The following PRH1 variants were observed in gnomAD, a reference collection of about 807,000 sequenced individuals.
The protein encoded by PRH1 is proline rich protein HaeIII subfamily 1, also known as salivary acidic proline-rich phosphoprotein 1/2.
In PRH1, 7 loss-of-function variants were observed where a neutral mutation model predicts 7.9. The ratio of observed to expected loss-of-function variants is 0.89; its 90% CI spans 0.50 to 1.67. The LOEUF is 1.67. Among genes scored for constraint, PRH1 ranks in the 40% most tolerant of loss-of-function variants. The pLI, the probability that PRH1 is intolerant of heterozygous loss-of-function variation, is 0.00. For synonymous variants in PRH1, 45 were observed against 80.8 expected, an observed-to-expected ratio of 0.56 and a Z score of 2.38; for missense variants, 109 against 223.6, an observed-to-expected ratio of 0.49 and a Z score of 3.27.
intron 2 of PRH1, among the ~76,000 whole-genome samples, chr12:10,958,207 C>T (rs532539008): frequency 1.2e-4 from 18 of 152,122 alleles, no homozygotes; most frequent in African/African-American, 4.3e-4. Flanking sequence ...ATGGTACATA[C>T]ACACCATGGA....
intron 1 of PRH1, chr12:10,986,095 G>C: frequency 6.2e-7 from 1 of 1,613,948 alleles, no homozygotes; most frequent in Non-Finnish European, 8.5e-7. Context: ...GGGTCATTCC[G>C]CAGCCTCCTA....
intron 1 of PRH1, among the ~76,000 whole-genome samples, chr12:11,103,024 T>C (rs1236414223): frequency 6.6e-6 from 1 of 152,060 alleles, no homozygotes; most frequent in South Asian, 2.1e-4. Context: ...ATGGCAATCA[T>C]TAAAAAGTCA....
intron 1 of PRH1, among the ~76,000 whole-genome samples, chr12:11,025,875 T>C (rs1941885182): frequency 6.6e-6 from 1 of 152,304 alleles, no homozygotes; most frequent in Non-Finnish European, 1.5e-5. Flanking sequence ...AATAATCTTT[T>C]ATTCTCCTTC....
At chr12:10,950,545 T>G (rs1950554994) in intron 2 of PRH1, among the ~76,000 whole-genome samples, 1 of 151,754 alleles carries the variant, frequency 6.6e-6, no homozygotes, top group African/African-American at 2.4e-5. Context: ...TAAGAATAAA[T>G]TATATATTTA....
At position 11,018,439 on chromosome 12, in the gene PRH1, G is replaced by C. The variant is rs559971773; in HGVS notation, c.-126+28581C>G. Among the ~76,000 whole-genome samples, 513 of 152,308 alleles carry C rather than the reference G, an allele frequency of 3.4e-3. 2 individuals carry two copies. Among genetic ancestry groups the C allele is most frequent in the Non-Finnish European group, 5.8e-3 (395 of 68,032 alleles). On this transcript the variant is annotated intron_variant, in intron 1 of 3. Transcript: ENST00000539853. The stretch of plus-strand genomic sequence containing the variant: ...TGTGCTTCCTCAGATTCCCTTGACT[G>C]TCTCCTGTTCCCATGGTCAGCACCT...
intron 2 of PRH1, among the ~76,000 whole-genome samples, chr12:10,928,288 G>A (rs1341130414): frequency 2.0e-5 from 3 of 152,150 alleles, no homozygotes; most frequent in Admixed American, 6.5e-5. Flanking sequence ...AGGCATTTGA[G>A]GCTTGAACAG....
intron 1 of PRH1, among the ~76,000 whole-genome samples, chr12:11,085,253 T>C (rs938053758): frequency 1.6e-4 from 24 of 151,406 alleles, no homozygotes; most frequent in African/African-American, 5.6e-4. Flanking sequence ...TTGAGAAATA[T>C]GATTTGTTAA....
At chr12:11,037,528 T>C (rs147547508) in intron 1 of PRH1, among the ~76,000 whole-genome samples, 83 of 152,370 alleles carry the variant, frequency 5.4e-4, no homozygotes, top group African/African-American at 1.9e-3. Context: ...AGACACATTT[T>C]TGGATATATT....
At chr12:11,143,959 G>A (rs1946789386) in intron 1 of PRH1, among the ~76,000 whole-genome samples, 1 of 152,194 alleles carries the variant, frequency 6.6e-6, no homozygotes, top group Non-Finnish European at 1.5e-5. Context: ...GGGACTCTCA[G>A]CCTTGGACAC....
chr12:10,962,351 G>A (rs958356468), intron 2 of PRH1, among the ~76,000 whole-genome samples: 4 of 151,996 alleles, frequency 2.6e-5, no homozygotes, highest in East Asian at 1.9e-4. Flanking sequence ...ATTCACAATC[G>A]AGAAAATATA....
chr12:11,082,571 G>A lies in PRH1; in HGVS notation n.124-35383C>T, dbSNP rs1407261868. ...TCGGCCAGCCTTGGCCTCCTAGAGT[G>A]CTGGGATTACAGACATGAGCCACTT... On this transcript the variant is annotated intron_variant and non_coding_transcript_variant, in intron 1 of 4. Transcript: ENST00000541977. Among the ~76,000 whole-genome samples, 2 of 114,580 alleles carry A rather than the reference G, an allele frequency of 1.7e-5. 1 individual carries two copies. Among genetic ancestry groups the A allele is most frequent in the Non-Finnish European group, 4.1e-5 (2 of 48,686 alleles). 75.2% of individuals were successfully genotyped at this position (114,580 alleles called of 152,430 possible). A position where few individuals can be genotyped will look rare whatever the true frequency, so the allele number is the denominator to read the frequency against.
intron 2 of PRH1, among the ~76,000 whole-genome samples, chr12:10,956,892 A>G (rs1937990706): frequency 6.6e-6 from 1 of 152,142 alleles, no homozygotes; most frequent in Non-Finnish European, 1.5e-5. Flanking sequence ...ATTACAAGAG[A>G]CTGTTCAATT....
At chr12:11,044,517 G>C (rs1942837210) in intron 1 of PRH1, among the ~76,000 whole-genome samples, 1 of 151,744 alleles carries the variant, frequency 6.6e-6, no homozygotes, top group Non-Finnish European at 1.5e-5. Context: ...CCACAGAATG[G>C]GAGAAAATAT....
At chr12:11,006,483 T>A (rs927156387) in intron 1 of PRH1, among the ~76,000 whole-genome samples, 1 of 151,108 alleles carries the variant, frequency 6.6e-6, no homozygotes, top group Admixed American at 6.6e-5. Flanking sequence ...CAAGTGATAC[T>A]CTTGCCTTCC....
intron 1 of PRH1, among the ~76,000 whole-genome samples, chr12:11,062,925 G>A (rs1943673698): frequency 6.6e-6 from 1 of 152,032 alleles, no homozygotes; most frequent in South Asian, 2.1e-4. Flanking sequence ...TTATTCACAA[G>A]CTCATAAATA....
intron 1 of PRH1, among the ~76,000 whole-genome samples, chr12:11,057,872 A>G (rs1216617416): frequency 6.6e-6 from 1 of 152,270 alleles, no homozygotes; most frequent in Non-Finnish European, 1.5e-5. Flanking sequence ...GCACTGCTTC[A>G]CTGTTTTATG....
rs375025784 is a variant in PRH1 at position 11,061,597 on chromosome 12, G to A, written n.124-14409C>T. ...GTAAATGGCACATAACAAGAGGAAGGAGGTCACAGTTTGCAAAGCTTTTAT... is the reference window on the plus strand; with the variant it reads ...GTAAATGGCACATAACAAGAGGAAGAAGGTCACAGTTTGCAAAGCTTTTAT... On this transcript the variant is annotated intron_variant and non_coding_transcript_variant, in intron 1 of 4. Transcript: ENST00000541977. 18 of 1,613,960 alleles carry A rather than the reference G, an allele frequency of 1.1e-5. No homozygotes were observed. The African/African-American group carries it at 1.5e-4, about 13-fold the overall frequency.
chr12:10,897,952 T>C (rs2135804218), intron 2 of PRH1, among the ~76,000 whole-genome samples: 1 of 152,326 alleles, frequency 6.6e-6, no homozygotes. Context: ...TTCTGGGTGA[T>C]TTTATTATGC....
At chr12:10,908,572 T>A in intron 2 of PRH1, 1 of 1,613,916 alleles carries the variant, frequency 6.2e-7, no homozygotes, top group Non-Finnish European at 8.5e-7. Context: ...AGAAAGAAAC[T>A]AGCATAGAAT....
Sources: allele counts gnomAD v4.1 joint callset (sites outside exome capture counted in the v4.1 genomes callset), GRCh38; gene constraint gnomAD v4.1.1; transcripts MANE v1.5; gene names NCBI Gene and HGNC (gene_info 2026-07-23, HGNC 2026-07-21).